Variants in UBXN4 observed in about 807,000 individuals in gnomAD.
The protein encoded by UBXN4 is UBX domain-containing protein 4.
A neutral mutation model predicts 66.2 loss-of-function variants in UBXN4; 35 were observed. The observed-to-expected ratio is 0.53, with a 90% CI of 0.40 to 0.70. The LOEUF is 0.70. Ranked by LOEUF, UBXN4 falls within the 30% of genes least tolerant of loss-of-function variation. UBXN4 has a pLI of 0.00. For missense variants in UBXN4, 533 were observed against 599.8 expected (o/e 0.89, Z 1.16); for synonymous variants, 203 against 204.5 (o/e 0.99, Z 0.06).
intron 9 of UBXN4, among the ~76,000 whole-genome samples, chr2:135,774,586 T>G: frequency 6.6e-6 from 1 of 152,292 alleles, no homozygotes; most frequent in South Asian, 2.1e-4. Flanking sequence ...AGCTCACACC[T>G]ATAATCCCAG....
At chr2:135,763,948 A>G (rs2077331961) in intron 6 of UBXN4, among the ~76,000 whole-genome samples, 1 of 152,046 alleles carries the variant, frequency 6.6e-6, no homozygotes, top group Admixed American at 6.5e-5. Flanking sequence ...AACGTGGCGA[A>G]ACCCTGTCTC....
chr2:135,770,998 A>C (rs891722125), intron 8 of UBXN4, among the ~76,000 whole-genome samples: 2 of 152,146 alleles, frequency 1.3e-5, no homozygotes, highest in Non-Finnish European at 2.9e-5. Context: ...GATTCCCTAG[A>C]AAATAAGCTA....
chr2:135,752,623 A>G (rs1167060318), intron 2 of UBXN4, among the ~76,000 whole-genome samples: 1 of 152,230 alleles, frequency 6.6e-6, no homozygotes, highest in Non-Finnish European at 1.5e-5. Context: ...AAGATATTGT[A>G]TTCAGGTATA....
At chr2:135,747,348 C>CAAAAAAAAAAAAAAAA (rs138276089) in intron 1 of UBXN4, among the ~76,000 whole-genome samples, 1 of 83,514 alleles carries the variant, frequency 1.2e-5, no homozygotes, top group African/African-American at 4.4e-5. Context: ...AACTCCATCT[C>CAAAAAAAAAAAAAAAA]AAAAAAAAAA....
Position 135,780,163 on chromosome 2 carries a change from GT to G in UBXN4, c.1186-17del. 3 of 1,612,706 alleles carry G rather than the reference GT, an allele frequency of 1.9e-6. No individual in the cohort carries two copies. The highest frequency in any genetic ancestry group is 2.5e-6 in the Non-Finnish European group (3 of 1,178,928). ...TTGTGCTAACGTAGTCTTTATCTAG[GT>G]TTGTTTATTAATTTCTAGGCAGGAA... On this transcript the variant is annotated intron_variant, in intron 11 of 12. Transcript: ENST00000272638.
chr2:135,748,331 T>G lies in UBXN4; in HGVS notation c.147T>G (p.Ser49=), dbSNP rs1312579337. ...SWEDDKVTEA[S]SNSFVAIKID... is the part of the protein sequence containing the mutation. ...AAGATGATAAAGTTACAGAAGCATC[T>G]TCAAACAGTTTTGTTGCTATTAAAA... The change falls in exon 2 of 13, where the codon TCT becomes TCG. Residue 49 remains serine (S), a synonymous_variant. Transcript: ENST00000272638. The G allele has an allele frequency of 3.1e-6, 5 of 1,606,810 alleles. No homozygotes were observed. In the African/African-American group the frequency reaches 6.7e-5, roughly 21 times the overall value.
chr2:135,749,190 A>G (rs1265804026), intron 2 of UBXN4, among the ~76,000 whole-genome samples: 1 of 152,234 alleles, frequency 6.6e-6, no homozygotes, highest in Non-Finnish European at 1.5e-5. Context: ...TCTAACATGT[A>G]CCAGGAATGC....
intron 1 of UBXN4, among the ~76,000 whole-genome samples, chr2:135,747,239 T>C (rs2077213194): frequency 6.7e-6 from 1 of 149,800 alleles, no homozygotes; most frequent in South Asian, 2.1e-4. Context: ...TTCCAGCTGC[T>C]CAGGAGGCTG....
chr2:135,770,167 C>G (rs2077374388), intron 7 of UBXN4, among the ~76,000 whole-genome samples: 1 of 152,022 alleles, frequency 6.6e-6, no homozygotes, highest in Non-Finnish European at 1.5e-5. Flanking sequence ...TGAATTTTTC[C>G]TCTCCTGTTA....
At chr2:135,742,114 C>T in intron 1 of UBXN4, 103 bp downstream of exon 1, 3 of 1,351,380 alleles carry the variant, frequency 2.2e-6, no homozygotes, top group Non-Finnish European at 3.0e-6. Flanking sequence ...GAGACGCGGG[C>T]TCCTGTCGGC....
chr2:135,772,389 A>G lies in UBXN4; in HGVS notation c.823-31A>G, dbSNP rs573863918. On this transcript the variant is annotated intron_variant, in intron 8 of 12. Coordinates refer to ENST00000272638, the MANE Select transcript of UBXN4 (RefSeq NM_014607.4). ...GTGTGAATTAACCATTCTGGCAGTA[A>G]AGGTAATTGGTATTTAATGATGTTT... The G allele has an allele frequency of 3.1e-6, 5 of 1,604,314 alleles. No homozygotes were observed. In the Admixed American group the frequency reaches 8.5e-5, roughly 27 times the overall value.
intron 6 of UBXN4, among the ~76,000 whole-genome samples, chr2:135,768,805 C>G (rs547777339): frequency 1.3e-5 from 2 of 150,920 alleles, no homozygotes; most frequent in South Asian, 4.2e-4. Context: ...TCAATTGATC[C>G]GCCTGCCTCG....
chr2:135,745,803 A>G (rs765814358), intron 1 of UBXN4, among the ~76,000 whole-genome samples: 2 of 151,596 alleles, frequency 1.3e-5, no homozygotes, highest in African/African-American at 2.4e-5. Flanking sequence ...TGCATCTTCA[A>G]CATCTAGGAG....
chr2:135,767,223 TGGG>T (rs2077354612), intron 6 of UBXN4, among the ~76,000 whole-genome samples: 1 of 152,048 alleles, frequency 6.6e-6, no homozygotes. Flanking sequence ...TAGCTGGGCG[TGGG>T]GGTGTGCATC....
At chr2:135,772,685 A>G (rs1012767236) in intron 9 of UBXN4, 138 bp downstream of exon 9, 60 of 1,089,512 alleles carry the variant, frequency 5.5e-5, no homozygotes, top group Middle Eastern at 2.2e-4. Flanking sequence ...ACAGCTCCCA[A>G]TGGTATCTCT....
chr2:135,775,058 TC>T (rs2077404977), intron 9 of UBXN4, among the ~76,000 whole-genome samples: 2 of 152,184 alleles, frequency 1.3e-5, no homozygotes, highest in South Asian at 4.1e-4. Context: ...ATGTTCAACA[TC>T]ATTAGTCATT....
chr2:135,766,399 C>T (rs1041783397), intron 6 of UBXN4, among the ~76,000 whole-genome samples: 4 of 152,198 alleles, frequency 2.6e-5, no homozygotes, highest in Admixed American at 6.5e-5. Context: ...GTAAGATTAT[C>T]TAATTTGTCC....
rs752947056 is a variant in UBXN4 at position 135,742,038 on chromosome 2, G to T, written c.82+27G>T. On this transcript the variant is annotated intron_variant, in intron 1 of 12. Coordinates refer to ENST00000272638, the MANE Select transcript of UBXN4 (RefSeq NM_014607.4). ...TGAAGGAGGCAGGGGTTCGAGAGGC[G>T]GCCGGGACACCCCTCCGGCCTACCT... 12 of 1,609,076 alleles carry T rather than the reference G, an allele frequency of 7.5e-6. No individual in the cohort carries two copies. In the South Asian group the frequency reaches 8.8e-5, roughly 12 times the overall value.
intron 2 of UBXN4, among the ~76,000 whole-genome samples, chr2:135,749,019 GC>G (rs1220104201): frequency 6.6e-6 from 1 of 151,922 alleles, no homozygotes; most frequent in Non-Finnish European, 1.5e-5. Context: ...TATAGCCTGG[GC>G]GAGAGAGCAA....
Sources: gnomAD v4.1 joint callset for allele counts (sites outside exome capture counted in the v4.1 genomes callset) on GRCh38, gnomAD v4.1.1 for gene constraint, MANE v1.5 for transcripts, NCBI Gene and HGNC (gene_info 2026-07-23, HGNC 2026-07-21) for gene names.